The following GAS7 variants were observed in gnomAD, a reference collection of about 807,000 sequenced individuals.
GAS7 encodes growth arrest-specific protein 7.
Under a neutral mutation model 71.1 loss-of-function variants are expected in GAS7, and 28 were observed. The observed-to-expected ratio is 0.39, with a 90% CI of 0.29 to 0.54. The LOEUF (loss-of-function observed/expected upper bound fraction) is 0.54. Among genes scored for constraint, GAS7 ranks in the 20% least tolerant of loss-of-function variants. GAS7 has a pLI of 0.62. For synonymous variants in GAS7, 258 were observed against 245.8 expected, an observed-to-expected ratio of 1.05 and a Z score of -0.46; for missense variants, 436 against 627.8, an observed-to-expected ratio of 0.69 and a Z score of 3.27.
chr17:10,030,762 C>G (rs1229587682), intron 1 of GAS7, among the ~76,000 whole-genome samples: 2 of 152,226 alleles, frequency 1.3e-5, no homozygotes, highest in East Asian at 3.9e-4. Flanking sequence ...TCAGGCCTCA[C>G]TACTTGGTGT....
At chr17:10,128,869 C>T (rs2073974209) in intron 1 of GAS7, among the ~76,000 whole-genome samples, 1 of 152,022 alleles carries the variant, frequency 6.6e-6, no homozygotes, top group Non-Finnish European at 1.5e-5. Flanking sequence ...GTGATCTGCC[C>T]ACCTCGGCCT....
At position 9,951,136 on chromosome 17, in the gene GAS7, C is replaced by T. The variant is rs544548417; in HGVS notation, c.526-4153G>A. On this transcript the variant is annotated intron_variant, in intron 5 of 13. Coordinates refer to ENST00000432992, the MANE Select transcript of GAS7 (RefSeq NM_201433.2). ...AGCAGGCAATCATGAAAACAAGGGA[C>T]GGGTTTCAAAAGTGCACAGATTCCT... 8.5e-5 allele frequency among the ~76,000 whole-genome samples: 13 copies of T among 152,294 alleles called. No homozygotes were observed. In the East Asian group the frequency reaches 1.7e-3, roughly 20 times the overall value.
chr17:10,128,616 T>A (rs1221574540), intron 1 of GAS7, among the ~76,000 whole-genome samples: 4 of 152,008 alleles, frequency 2.6e-5, no homozygotes, highest in Non-Finnish European at 4.4e-5. Flanking sequence ...GTGATCGTTT[T>A]GCTTTTTCTT....
chr17:9,941,666 T>C (rs975110002), intron 7 of GAS7, among the ~76,000 whole-genome samples: 3 of 152,386 alleles, frequency 2.0e-5, no homozygotes, highest in East Asian at 1.9e-4. Flanking sequence ...GACGTTGTCA[T>C]GGAAATATAA....
chr17:10,051,469 A>G (rs1320384883), intron 1 of GAS7, among the ~76,000 whole-genome samples: 1 of 152,258 alleles, frequency 6.6e-6, no homozygotes, highest in Non-Finnish European at 1.5e-5. Context: ...GAGCCCTCCA[A>G]GTAAATACAT....
intron 2 of GAS7, among the ~76,000 whole-genome samples, chr17:10,005,160 T>C (rs1027840336): frequency 3.6e-4 from 27 of 74,492 alleles, no homozygotes; most frequent in African/African-American, 7.4e-4. Flanking sequence ...CATGCATGTG[T>C]GTGCGCACGC....
chr17:9,928,638 G>T (rs1457285156), intron 9 of GAS7, among the ~76,000 whole-genome samples: 1 of 152,204 alleles, frequency 6.6e-6, no homozygotes, highest in Non-Finnish European at 1.5e-5. Context: ...CCCAACGAGG[G>T]TTCTGTGACT....
At chr17:9,946,409 T>C (rs1255620163) in intron 6 of GAS7, among the ~76,000 whole-genome samples, 1 of 152,190 alleles carries the variant, frequency 6.6e-6, no homozygotes, top group Non-Finnish European at 1.5e-5. Context: ...AACTCTGTGT[T>C]CGCTAAGTGA....
chr17:9,989,083 T>G (rs1053816343), intron 2 of GAS7, among the ~76,000 whole-genome samples: 1 of 152,062 alleles, frequency 6.6e-6, no homozygotes, highest in Non-Finnish European at 1.5e-5. Flanking sequence ...TCTCCTGACC[T>G]CATGATCCGT....
chr17:10,108,420 G>A (rs9894615), intron 1 of GAS7, among the ~76,000 whole-genome samples: 32,757 of 152,084 alleles, frequency 0.22, 3,839 homozygotes, highest in East Asian at 0.41. Flanking sequence ...ACACAGGGTC[G>A]TTCTCAGGGT....
At chr17:10,149,631 A>G (rs1246450354) in intron 1 of GAS7, among the ~76,000 whole-genome samples, 2 of 152,214 alleles carry the variant, frequency 1.3e-5, no homozygotes, top group East Asian at 3.8e-4. Flanking sequence ...ATGTCCCACA[A>G]AAAAACTTGT....
rs541872084 is a variant in GAS7 at position 10,078,886 on chromosome 17, C to A, written c.184-58989G>T. The stretch of plus-strand genomic sequence containing the variant: ...CCACATAGCAAAACCTCTATCTCTA[C>A]AAAAAAAAATTTTTTTAATTAGCCA... On this transcript the variant is annotated intron_variant, in intron 1 of 13. Coordinates refer to ENST00000432992, the MANE Select transcript of GAS7 (RefSeq NM_201433.2). 7.2e-4 allele frequency among the ~76,000 whole-genome samples: 109 copies of A among 151,908 alleles called. 1 individual carries two copies. The Middle Eastern group carries it at 0.01, about 14-fold the overall frequency.
intron 1 of GAS7, among the ~76,000 whole-genome samples, chr17:10,067,010 CAAGT>C (rs770245797): frequency 6.6e-6 from 1 of 152,262 alleles, no homozygotes; most frequent in East Asian, 1.9e-4. Flanking sequence ...TTACAAGGAT[CAAGT>C]GAGTTAATAA....
At chr17:9,983,648 CG>C (rs1219336746) in intron 2 of GAS7, among the ~76,000 whole-genome samples, 11 of 151,258 alleles carry the variant, frequency 7.3e-5, no homozygotes, top group Admixed American at 5.9e-4. Context: ...ATTAGCTGGG[CG>C]CGATGGTGTG....
At chr17:10,097,661 C>T (rs1006368450) in intron 1 of GAS7, among the ~76,000 whole-genome samples, 9 of 152,088 alleles carry the variant, frequency 5.9e-5, no homozygotes, top group South Asian at 2.1e-4. Flanking sequence ...GTGCTTCTAT[C>T]GGAATCCGCA....
At chr17:10,094,142 C>T (rs1291189728) in intron 1 of GAS7, among the ~76,000 whole-genome samples, 1 of 152,198 alleles carries the variant, frequency 6.6e-6, no homozygotes, top group Non-Finnish European at 1.5e-5. Flanking sequence ...GACTGCTAAT[C>T]GCTAACCTAA....
At position 9,994,052 on chromosome 17, in the gene GAS7, C is replaced by T. The variant is rs1409335300; in HGVS notation, c.305-12168G>A. ...AAGAGGATACAAACAAATGGAAGAA[C>T]ATTCCATGCTCATGGGTAGGAAGAA... On this transcript the variant is annotated intron_variant, in intron 2 of 13. Coordinates refer to ENST00000432992, the MANE Select transcript of GAS7 (RefSeq NM_201433.2). Among the ~76,000 whole-genome samples, 10 of 145,304 alleles carry T rather than the reference C, an allele frequency of 6.9e-5. No individual in the cohort carries two copies. The East Asian group carries it at 2.1e-3, about 30-fold the overall frequency.
intron 1 of GAS7, among the ~76,000 whole-genome samples, chr17:10,062,155 T>C (rs73269580): frequency 0.043 from 6,554 of 152,166 alleles, 501 homozygotes; most frequent in African/African-American, 0.15. Flanking sequence ...CTGACCTACA[T>C]GAAGGAGGAA....
chr17:10,197,438 G>A (rs1250578729), intron 1 of GAS7, among the ~76,000 whole-genome samples: 1 of 152,156 alleles, frequency 6.6e-6, no homozygotes, highest in African/African-American at 2.4e-5. Flanking sequence ...GAAACTTCGG[G>A]TCTCACTCAG....
Sources: gnomAD v4.1 joint callset for allele counts (sites outside exome capture counted in the v4.1 genomes callset) on GRCh38, gnomAD v4.1.1 for gene constraint, MANE v1.5 for transcripts, NCBI Gene and HGNC (gene_info 2026-07-23, HGNC 2026-07-21) for gene names.